The following DNAJB1 variants were observed in gnomAD, a reference collection of about 807,000 sequenced individuals.
The protein encoded by DNAJB1 is DnaJ heat shock protein family (Hsp40) member B1.
DNAJB1 carries 14 observed loss-of-function variants against 24.0 expected under a neutral mutation model. The ratio of observed to expected loss-of-function variants is 0.58; its 90% CI spans 0.39 to 0.91. DNAJB1 has a LOEUF of 0.91. Among genes scored for constraint, DNAJB1 ranks in the 40% least tolerant of loss-of-function variants. DNAJB1 has a pLI of 0.00. For synonymous variants in DNAJB1, 262 were observed against 174.4 expected (o/e 1.50, Z -3.96); for missense variants, 517 against 458.1 (o/e 1.13, Z -1.17).
chr19:14,547,963 C>CTTTTT, intron 1 of DNAJB1, among the ~76,000 whole-genome samples: 1 of 125,678 alleles, frequency 8.0e-6, no homozygotes, highest in Non-Finnish European at 1.7e-5. Context: ...ATGGGCATTT[C>CTTTTT]TTTTTTTTTT....
At chr19:14,540,853 T>C (rs750111549) in intron 1 of DNAJB1, among the ~76,000 whole-genome samples, 24 of 151,936 alleles carry the variant, frequency 1.6e-4, no homozygotes, top group South Asian at 4.1e-4. Flanking sequence ...GTTTGTTTGT[T>C]TGAGTTGGAG....
Position 14,548,352 on chromosome 19 carries a change from C to T in DNAJB1, c.-214+1856G>A, listed in dbSNP as rs572081731. ...TTCCCCACCCCCTTGGTGGCAGTTC[C>T]GGCCTGTTTGTTACCCAGGCCCTAA... On this transcript the variant is annotated intron_variant, in intron 1 of 3. Transcript: ENST00000676982. Among the ~76,000 whole-genome samples the T allele has an allele frequency of 9.9e-5, 15 of 152,198 alleles. No homozygotes were observed. The South Asian group carries it at 1.5e-3, about 15-fold the overall frequency.
At chr19:14,528,398 C>T (rs2072484812) in intron 1 of DNAJB1, among the ~76,000 whole-genome samples, 1 of 151,786 alleles carries the variant, frequency 6.6e-6, no homozygotes, top group Admixed American at 6.6e-5. Context: ...TACCACCACG[C>T]CCGGCTAATT....
At chr19:14,518,424 T>A (rs1413199420), upstream of DNAJB1, 13 of 1,225,152 alleles carry the variant, frequency 1.1e-5, no homozygotes, top group Non-Finnish European at 1.4e-5. Context: ...GGACTCTATA[T>A]ACCCGTCCGG....
chr19:14,549,252 C>T (rs926207330), intron 1 of DNAJB1, among the ~76,000 whole-genome samples: 19 of 136,386 alleles, frequency 1.4e-4, no homozygotes, highest in East Asian at 4.3e-4. Flanking sequence ...CTCACTCTGT[C>T]GCCAGGCTGG....
Position 14,515,531 on chromosome 19 carries a change from A to G in DNAJB1, c.*409T>C, listed in dbSNP as rs574472780. 4.7e-5 allele frequency: 9 copies of G among 191,842 alleles called. No individual in the cohort carries two copies. Among genetic ancestry groups the G allele is most frequent in the Admixed American group, 1.3e-4 (2 of 15,972 alleles). 11.9% of individuals were successfully genotyped at this position (191,842 alleles called of 1,614,324 possible). A position where few individuals can be genotyped will look rare whatever the true frequency, so the allele number is the denominator to read the frequency against. ...AGCACAAACTGATCACACAACAGAAAAGGAGGAGTGTACAGGGTCTGGGAA... is the reference window on the plus strand; with the variant it reads ...AGCACAAACTGATCACACAACAGAAGAGGAGGAGTGTACAGGGTCTGGGAA... On this transcript the variant is annotated 3_prime_UTR_variant, in exon 3 of 3. Transcript: ENST00000254322.
At chr19:14,529,445 C>T (rs2072523324), upstream of DNAJB1, 9 of 629,638 alleles carry the variant, frequency 1.4e-5, no homozygotes, top group South Asian at 1.2e-4. Context: ...TTCGATTGGT[C>T]TCGCAAGTTG....
At chr19:14,535,017 G>C (rs530662984) in intron 1 of DNAJB1, among the ~76,000 whole-genome samples, 1 of 152,288 alleles carries the variant, frequency 6.6e-6, no homozygotes, top group African/African-American at 2.4e-5. Context: ...ACTGCTGGGA[G>C]AGGGTCTTTC....
upstream of DNAJB1, chr19:14,518,413 C>G (rs1049104078): frequency 1.1e-5 from 16 of 1,454,694 alleles, 1 homozygote; most frequent in Middle Eastern, 2.6e-4. Flanking sequence ...CGACCAGTCC[C>G]GGACTCTATA....
intron 1 of DNAJB1, among the ~76,000 whole-genome samples, chr19:14,535,743 T>G (rs1599416639): frequency 2.1e-5 from 2 of 95,544 alleles, no homozygotes; most frequent in African/African-American, 8.9e-5. Flanking sequence ...GGCAACAGAG[T>G]GAGACTCTGT....
chr19:14,525,333 GT>G (rs71166751), intron 2 of DNAJB1, among the ~76,000 whole-genome samples: 123,432 of 147,560 alleles, frequency 0.84, 52,358 homozygotes, highest in African/African-American at 0.9. Context: ...TACTTTTTTT[GT>G]TTTTTTTTTT....
At chr19:14,535,792 C>G (rs889998085) in intron 1 of DNAJB1, among the ~76,000 whole-genome samples, 5 of 141,172 alleles carry the variant, frequency 3.5e-5, no homozygotes, top group African/African-American at 1.3e-4. Context: ...AAGTGGTGAG[C>G]CTTGAGCTGT....
At chr19:14,517,991 G>T in intron 1 of DNAJB1, 148 bp downstream of exon 1, 1 of 873,934 alleles carries the variant, frequency 1.1e-6, no homozygotes, top group Non-Finnish European at 1.6e-6. Context: ...GCCAATCCGA[G>T]GGCGGAGGCC....
chr19:14,544,924 T>C (rs1271550255), intron 1 of DNAJB1, among the ~76,000 whole-genome samples: 1 of 152,126 alleles, frequency 6.6e-6, no homozygotes, highest in East Asian at 1.9e-4. Context: ...AGAGCCACCA[T>C]GCCCAGCACG....
chr19:14,518,231 C>G lies in DNAJB1; in HGVS notation c.119G>C (p.Gly40Ala), dbSNP rs370382932. The G allele has an allele frequency of 3.7e-5, 59 of 1,609,726 alleles. No homozygotes were observed. Among genetic ancestry groups the G allele is most frequent in the Admixed American group, 5.0e-5 (3 of 59,568 alleles). The change falls in exon 1 of 3, where the codon GGC (glycine) becomes GCC (alanine). Residue 40 changes from glycine to alanine, a missense_variant. Physicochemically the swap from Gly to Ala is moderately conservative, Grantham distance 60. Coordinates refer to ENST00000254322, the MANE Select transcript of DNAJB1 (RefSeq NM_006145.3). Reference protein sequence around the residue: ...RYHPDKNKEPGAEEKFKEIAE... With the variant: ...RYHPDKNKEPAAEEKFKEIAE... Reference sequence around the variant, plus strand: ...GATCTCCTTGAACTTCTCCTCGGCGCCGGGCTCCTTGTTCTTGTCCGGGTG... The same window carrying G: ...GATCTCCTTGAACTTCTCCTCGGCGGCGGGCTCCTTGTTCTTGTCCGGGTG...
chr19:14,532,889 C>CCTG, upstream of DNAJB1, among the ~76,000 whole-genome samples: 1 of 152,094 alleles, frequency 6.6e-6, no homozygotes, highest in East Asian at 1.9e-4. Flanking sequence ...ACGGGTGAAT[C>CCTG]ACTTGAAGTC....
At chr19:14,526,848 A>T (rs2072433314) in intron 2 of DNAJB1, among the ~76,000 whole-genome samples, 1 of 152,072 alleles carries the variant, frequency 6.6e-6, no homozygotes. Flanking sequence ...TAGGGTTTCA[A>T]CCCTATCCCC....
intron 1 of DNAJB1, among the ~76,000 whole-genome samples, chr19:14,557,697 C>A (rs1222242514): frequency 6.6e-6 from 1 of 151,654 alleles, no homozygotes; most frequent in Non-Finnish European, 1.5e-5. Context: ...GGTAACCCGC[C>A]CACCTTGGCC....
At chr19:14,535,521 A>AT (rs1568396266) in intron 1 of DNAJB1, among the ~76,000 whole-genome samples, 7 of 55,320 alleles carry the variant, frequency 1.3e-4, no homozygotes, top group African/African-American at 6.7e-4. Flanking sequence ...AAAAAAAAAA[A>AT]AAAAAAAAAA....
Sources: gnomAD v4.1 joint callset for allele counts (sites outside exome capture counted in the v4.1 genomes callset) on GRCh38, gnomAD v4.1.1 for gene constraint, MANE v1.5 for transcripts, NCBI Gene and HGNC (gene_info 2026-07-23, HGNC 2026-07-21) for gene names.